TAFA1: variants seen among roughly 807,000 people sequenced by gnomAD.
TAFA1 encodes TAFA chemokine like family member 1.
Under a neutral mutation model 18.5 loss-of-function variants are expected in TAFA1, and 4 were observed. The ratio of observed to expected loss-of-function variants is 0.22; its 90% CI spans 0.11 to 0.49. The LOEUF is 0.49. TAFA1 is among the 20% of genes least tolerant of loss of function. TAFA1 has a pLI of 0.98. For synonymous variants in TAFA1, 56 were observed against 55.2 expected (o/e 1.01, Z -0.06); for missense variants, 147 against 169.0 (o/e 0.87, Z 0.72).
intron 2 of TAFA1, among the ~76,000 whole-genome samples, chr3:68,376,341 A>T (rs2069817130): frequency 6.7e-6 from 1 of 150,332 alleles, no homozygotes; most frequent in South Asian, 2.1e-4. Flanking sequence ...TTTACAGATC[A>T]TTTCATCATC....
At chr3:68,284,895 C>A (rs1348345364) in intron 2 of TAFA1, among the ~76,000 whole-genome samples, 1 of 152,050 alleles carries the variant, frequency 6.6e-6, no homozygotes, top group Non-Finnish European at 1.5e-5. Flanking sequence ...CACAGTGAAA[C>A]CCTGTCTCTA....
chr3:68,308,346 AT>A (rs2068456254), intron 2 of TAFA1, among the ~76,000 whole-genome samples: 1 of 152,144 alleles, frequency 6.6e-6, no homozygotes, highest in Non-Finnish European at 1.5e-5. Context: ...ATTTGTATTC[AT>A]TTTATAATAA....
At chr3:67,998,565 G>A in the TAFA1 span, among the ~76,000 whole-genome samples, 1 of 152,200 alleles carries the variant, frequency 6.6e-6, no homozygotes, top group Non-Finnish European at 1.5e-5. Context: ...GGCATGACAA[G>A]TAATTTGCTG....
In TAFA1 at chr3:68,538,765, T is replaced by A; in HGVS notation, c.269T>A (p.Val90Glu). The A allele has an allele frequency of 6.2e-7, 1 of 1,613,482 alleles. No homozygotes were observed. Among genetic ancestry groups the A allele is most frequent in the Non-Finnish European group, 8.5e-7 (1 of 1,179,636 alleles). The change falls in exon 4 of 5, where the codon GTG becomes GAG. Residue 90 changes from valine to glutamate, a missense_variant. Transcript: ENST00000478136. The stretch of plus-strand genomic sequence containing the variant: ...TCCTGTTTCTGCACAGCCTCCATAG[T>A]GATTGGGAAATGGTGGTGTGAGATG... Reference protein sequence around the residue: ...NRPSCVDASIVIGKWWCEMEP... With the variant: ...NRPSCVDASIEIGKWWCEMEP...
intron 2 of TAFA1, among the ~76,000 whole-genome samples, chr3:68,009,648 G>A (rs150018233): frequency 9.1e-4 from 138 of 152,210 alleles, no homozygotes; most frequent in Middle Eastern, 3.4e-3. Context: ...TATATAATAC[G>A]TTTATTCAAC....
intron 2 of TAFA1, among the ~76,000 whole-genome samples, chr3:68,168,144 CAA>C (rs10662237): frequency 1.3e-4 from 15 of 116,482 alleles, no homozygotes; most frequent in African/African-American, 3.2e-4. Context: ...TTTTCAGATA[CAA>C]AAAAAAAAAA....
At chr3:68,081,758 G>A (rs2064903812) in intron 2 of TAFA1, among the ~76,000 whole-genome samples, 1 of 152,214 alleles carries the variant, frequency 6.6e-6, no homozygotes. Flanking sequence ...GGTTACTGCT[G>A]TCTTTTTGTT....
At chr3:68,151,862 A>G (rs1559539320) in intron 2 of TAFA1, among the ~76,000 whole-genome samples, 2 of 152,186 alleles carry the variant, frequency 1.3e-5, no homozygotes, top group Non-Finnish European at 2.9e-5. Flanking sequence ...TATACATTCT[A>G]TGTCTCATTG....
At chr3:68,080,851 C>T (rs902181625) in intron 2 of TAFA1, among the ~76,000 whole-genome samples, 9 of 152,224 alleles carry the variant, frequency 5.9e-5, no homozygotes, top group Middle Eastern at 3.4e-3. Flanking sequence ...TGAATCTGAA[C>T]GTTGGCCTAC....
intron 3 of TAFA1, among the ~76,000 whole-genome samples, chr3:68,428,010 A>T (rs141991927): frequency 2.6e-4 from 39 of 152,034 alleles, no homozygotes; most frequent in African/African-American, 8.9e-4. Context: ...TTTATACATT[A>T]CCCAGTCTTG....
chr3:68,351,455 G>A (rs1447217899), intron 2 of TAFA1, among the ~76,000 whole-genome samples: 2 of 152,082 alleles, frequency 1.3e-5, no homozygotes, highest in Admixed American at 6.6e-5. Context: ...AACCCCCATA[G>A]GTTTGTAGTT....
intron 2 of TAFA1, among the ~76,000 whole-genome samples, chr3:68,156,899 G>T (rs1003098684): frequency 6.6e-6 from 1 of 152,112 alleles, no homozygotes; most frequent in Non-Finnish European, 1.5e-5. Context: ...ACTTCTCTGA[G>T]AGGAAATGAG....
At chr3:68,083,323 C>A (rs544507142) in intron 2 of TAFA1, among the ~76,000 whole-genome samples, 2 of 152,198 alleles carry the variant, frequency 1.3e-5, no homozygotes, top group Admixed American at 6.5e-5. Flanking sequence ...ATCACTTTTG[C>A]CTTTGTTTGA....
At chr3:68,531,576 A>G (rs2073189047) in intron 3 of TAFA1, among the ~76,000 whole-genome samples, 1 of 152,090 alleles carries the variant, frequency 6.6e-6, no homozygotes, top group Admixed American at 6.6e-5. Flanking sequence ...TTTTTCCCTT[A>G]TCAGTTGAGT....
Position 68,499,442 on chromosome 3 carries a change from CTTTCTT to C in TAFA1, c.260-39310_260-39305del, listed in dbSNP as rs1484986865. 1.6e-3 allele frequency among the ~76,000 whole-genome samples: 144 copies of C among 88,090 alleles called. 1 individual carries two copies. Among genetic ancestry groups the C allele is most frequent in the East Asian group, 3.3e-3 (7 of 2,102 alleles). 57.8% of individuals were successfully genotyped at this position (88,090 alleles called of 152,430 possible). On this transcript the variant is annotated intron_variant, in intron 3 of 4. Transcript: ENST00000478136. ...CTTTGTTTTCTTTCTTTCTGTGTTC[CTTTCTT>C]TTTTTTTTTTTTTTTTGAGAAGACA... is the stretch of plus-strand genomic sequence containing the variant.
intron 2 of TAFA1, among the ~76,000 whole-genome samples, chr3:68,105,882 C>A (rs2065197356): frequency 6.6e-6 from 1 of 152,074 alleles, no homozygotes; most frequent in Non-Finnish European, 1.5e-5. Context: ...ACAGGTTAAT[C>A]CCTTAAAGAC....
intron 2 of TAFA1, among the ~76,000 whole-genome samples, chr3:68,343,041 G>C (rs1036098846): frequency 3.9e-5 from 6 of 152,056 alleles, no homozygotes; most frequent in Non-Finnish European, 5.9e-5. Flanking sequence ...TGTAGGGGTG[G>C]GTGAGGATCT....
At chr3:68,085,853 C>T (rs1469804562) in intron 2 of TAFA1, among the ~76,000 whole-genome samples, 4 of 152,176 alleles carry the variant, frequency 2.6e-5, no homozygotes. Flanking sequence ...AAATCTCTTT[C>T]CACAGTTCAT....
chr3:68,148,545 A>G (rs1258539606), intron 2 of TAFA1, among the ~76,000 whole-genome samples: 1 of 152,180 alleles, frequency 6.6e-6, no homozygotes, highest in Non-Finnish European at 1.5e-5. Flanking sequence ...GGTGTTTGAG[A>G]AAGTTCGTTC....
Sources: allele counts gnomAD v4.1 joint callset (sites outside exome capture counted in the v4.1 genomes callset), GRCh38; gene constraint gnomAD v4.1.1; transcripts MANE v1.5; gene names NCBI Gene and HGNC (gene_info 2026-07-23, HGNC 2026-07-21).